TTBK2: variants seen among roughly 807,000 people sequenced by gnomAD.
TTBK2 encodes tau-tubulin kinase 2.
TTBK2 carries 28 observed loss-of-function variants against 110.8 expected under a neutral mutation model. That is an observed-to-expected ratio of 0.25 (90% CI 0.19 to 0.35). The LOEUF is 0.35. TTBK2 is among the 10% of genes least tolerant of loss of function. The pLI is 1.00. For missense variants in TTBK2, 1,369 were observed against 1,500.3 expected (o/e 0.91, Z 1.45); for synonymous variants, 532 against 527.3 (o/e 1.01, Z -0.12).
chr15:42,885,217 C>T (rs1375846558), intron 1 of TTBK2, among the ~76,000 whole-genome samples: 1 of 152,220 alleles, frequency 6.6e-6, no homozygotes, highest in East Asian at 1.9e-4. Flanking sequence ...CAGCAGGACT[C>T]CTTCGGGAGA....
At chr15:42,844,202 G>A (rs948908336) in intron 3 of TTBK2, among the ~76,000 whole-genome samples, 2 of 152,204 alleles carry the variant, frequency 1.3e-5, no homozygotes, top group Admixed American at 1.3e-4. Flanking sequence ...ACCTGGCACA[G>A]TAAAGAGTGA....
rs757596900 is a variant in TTBK2, at chr15:42,796,959, G to C, written c.823-2158C>G. 6.0e-4 allele frequency among the ~76,000 whole-genome samples: 92 copies of C among 152,324 alleles called. 1 individual carries two copies. The highest frequency in any genetic ancestry group is 9.3e-4 in the Non-Finnish European group (63 of 68,028). On this transcript the variant is annotated intron_variant, in intron 9 of 14. Transcript: ENST00000267890. ...ATAAAATCTGAGAAATTTTATTTGG[G>C]TCCTATTTTTGTTCATGTAAGTCAC...
intron 1 of TTBK2, among the ~76,000 whole-genome samples, chr15:42,913,916 A>T (rs536556508): frequency 6.6e-6 from 1 of 152,286 alleles, no homozygotes; most frequent in Admixed American, 6.5e-5. Context: ...ACTAACACAA[A>T]GAAAAATCAA....
intron 9 of TTBK2, among the ~76,000 whole-genome samples, chr15:42,805,917 C>T (rs1891446295): frequency 6.6e-6 from 1 of 152,210 alleles, no homozygotes; most frequent in Non-Finnish European, 1.5e-5. Flanking sequence ...CCTAGGAGAG[C>T]TGTACAACTT....
intron 13 of TTBK2, among the ~76,000 whole-genome samples, chr15:42,762,548 C>T (rs941308868): frequency 6.6e-6 from 1 of 152,086 alleles, no homozygotes; most frequent in Admixed American, 6.6e-5. Context: ...GAAACCCAGT[C>T]TCCACAAAAA....
chr15:42,871,475 G>A lies in TTBK2; in HGVS notation c.217+1136C>T. 6 of 985,334 alleles carry A rather than the reference G, an allele frequency of 6.1e-6. No individual in the cohort carries two copies. The South Asian group carries it at 2.3e-4, about 39-fold the overall frequency. The allele number at this position is 985,334 out of a possible 1,614,324, so 61.0% of individuals were successfully genotyped here. A position where few individuals can be genotyped will look rare whatever the true frequency, so the allele number is the denominator to read the frequency against. ...AGCATCTCCTTGGAGCCAAGTAGGA[G>A]AAAGGTGAAGTGGCACTATCCACAC... On this transcript the variant is annotated intron_variant, in intron 3 of 14. Transcript: ENST00000267890.
intron 3 of TTBK2, among the ~76,000 whole-genome samples, chr15:42,867,738 C>T (rs939308204): frequency 3.9e-5 from 6 of 152,122 alleles, no homozygotes; most frequent in Admixed American, 6.5e-5. Flanking sequence ...CTGATGAGAA[C>T]GCAAAATGAT....
At chr15:42,826,574 T>C (rs1170480722) in intron 6 of TTBK2, among the ~76,000 whole-genome samples, 1 of 152,180 alleles carries the variant, frequency 6.6e-6, no homozygotes, top group Non-Finnish European at 1.5e-5. Flanking sequence ...GCCAACCACA[T>C]CAGCCAACTG....
chr15:42,855,726 C>T (rs1893908224), intron 3 of TTBK2, among the ~76,000 whole-genome samples: 1 of 152,154 alleles, frequency 6.6e-6, no homozygotes, highest in Non-Finnish European at 1.5e-5. Flanking sequence ...TTGCTGTCGC[C>T]CAGGCTGGAG....
At chr15:42,800,512 T>C (rs1004239785) in intron 9 of TTBK2, among the ~76,000 whole-genome samples, 2 of 152,192 alleles carry the variant, frequency 1.3e-5, no homozygotes, top group African/African-American at 2.4e-5. Context: ...CCAAGAATTA[T>C]TTGTAAGGTG....
intron 9 of TTBK2, chr15:42,801,602 G>T: frequency 1.3e-6 from 1 of 787,494 alleles, no homozygotes; most frequent in Non-Finnish European, 2.3e-6. Context: ...GCTGCGGTTG[G>T]CAATCTCCTC....
intron 13 of TTBK2, among the ~76,000 whole-genome samples, chr15:42,757,842 C>T (rs578137919): frequency 1.4e-4 from 21 of 152,288 alleles, no homozygotes; most frequent in Admixed American, 1.2e-3. Context: ...GTACCATGTA[C>T]ATCCTTCTAA....
At chr15:42,778,520 T>A (rs1890033442) in intron 11 of TTBK2, among the ~76,000 whole-genome samples, 1 of 151,880 alleles carries the variant, frequency 6.6e-6, no homozygotes. Context: ...AAAACAAAAT[T>A]AGCTGGGCAT....
intron 9 of TTBK2, among the ~76,000 whole-genome samples, chr15:42,806,394 G>A (rs1343664558): frequency 6.6e-6 from 1 of 152,106 alleles, no homozygotes; most frequent in African/African-American, 2.4e-5. Flanking sequence ...GCACATAACC[G>A]CAAAAGTAAT....
chr15:42,908,010 C>T (rs2030514688), intron 1 of TTBK2, among the ~76,000 whole-genome samples: 1 of 152,000 alleles, frequency 6.6e-6, no homozygotes, highest in South Asian at 2.1e-4. Flanking sequence ...TCCTTGAGCC[C>T]AAGAGGCAGA....
rs565554686 is a variant in TTBK2, at chr15:42,741,350, G to A, written c.*4445C>T. 2.0e-5 allele frequency: 3 copies of A among 152,326 alleles called. No individual in the cohort carries two copies. The East Asian group carries it at 5.8e-4, about 29-fold the overall frequency. 9.4% of individuals were successfully genotyped at this position (152,326 alleles called of 1,614,324 possible). ...GTCTAAAAATGCACCTGTGGTTTCTGAACTTGGGTATACGCTGATACATAA... is the reference window on the plus strand; with the variant it reads ...GTCTAAAAATGCACCTGTGGTTTCTAAACTTGGGTATACGCTGATACATAA... On this transcript the variant is annotated 3_prime_UTR_variant, in exon 15 of 15. Coordinates refer to ENST00000267890, the MANE Select transcript of TTBK2 (RefSeq NM_173500.4).
chr15:42,863,676 C>G lies in TTBK2; in HGVS notation c.217+8935G>C, dbSNP rs145056803. Among the ~76,000 whole-genome samples the G allele has an allele frequency of 3.0e-4, 45 of 152,262 alleles. No individual in the cohort carries two copies. In the Middle Eastern group the frequency reaches 0.01, roughly 35 times the overall value. ...AAGCATCACATTACCCAACTTAAAA[C>G]TATAGTATAAAGCAACAATACAAAC... On this transcript the variant is annotated intron_variant, in intron 3 of 14. Transcript: ENST00000267890.
rs892918562 is a variant in TTBK2 at position 42,745,718 on chromosome 15, A to G, written c.*77T>C. On this transcript the variant is annotated 3_prime_UTR_variant, in exon 15 of 15. Coordinates refer to ENST00000267890, the MANE Select transcript of TTBK2 (RefSeq NM_173500.4). ...AGAAGATCAACACTGATTTTTTTAC[A>G]TAGAAAGTACAGGGACACACATGCA... is the stretch of plus-strand genomic sequence containing the variant. 3.9e-6 allele frequency: 6 copies of G among 1,542,652 alleles called. No individual in the cohort carries two copies. The African/African-American group carries it at 8.2e-5, about 21-fold the overall frequency.
At chr15:42,839,163 T>C (rs1391107404) in intron 4 of TTBK2, among the ~76,000 whole-genome samples, 1 of 152,184 alleles carries the variant, frequency 6.6e-6, no homozygotes, top group Non-Finnish European at 1.5e-5. Context: ...GTGTACTCAA[T>C]GTTTAGCTCC....
Sources: allele counts gnomAD v4.1 joint callset (sites outside exome capture counted in the v4.1 genomes callset), GRCh38; gene constraint gnomAD v4.1.1; transcripts MANE v1.5; gene names NCBI Gene and HGNC (gene_info 2026-07-23, HGNC 2026-07-21).